URB1: variants seen among roughly 807,000 people sequenced by gnomAD.
URB1 encodes nucleolar pre-ribosomal-associated protein 1.
A neutral mutation model predicts 242.3 loss-of-function variants in URB1; 197 were observed. That is an observed-to-expected ratio of 0.81 (90% CI 0.72 to 0.91). The LOEUF is 0.91. URB1 is among the 40% of genes least tolerant of loss of function. URB1 has a pLI of 0.00. For missense variants in URB1, 2,721 were observed against 2,860.5 expected, an observed-to-expected ratio of 0.95 and a Z score of 1.11; for synonymous variants, 1,153 against 1,201.8, an observed-to-expected ratio of 0.96 and a Z score of 0.84.
At chr21:32,328,951 T>G (rs1289970503) in intron 30 of URB1, among the ~76,000 whole-genome samples, 1 of 152,152 alleles carries the variant, frequency 6.6e-6, no homozygotes, top group African/African-American at 2.4e-5. Context: ...AGGACAGTTA[T>G]CAAGGATTAA....
In URB1 at chr21:32,359,831, G is replaced by A; in HGVS notation, c.1834C>T (p.Leu612=). The stretch of plus-strand genomic sequence containing the variant: ...AACCACAGAAACTTGCTGGCCGGCA[G>A]CTCCAGGGCCACCTTCAGCATGTGG... The part of the protein sequence containing the change: ...QHHMLKVALE[L]PASKFLWLKA... Residue 612 remains leucine, a synonymous_variant, in exon 14 of 39, where the codon CTG becomes TTG. Transcript: ENST00000382751. 3.9e-6 allele frequency: 6 copies of A among 1,547,312 alleles called. No individual in the cohort carries two copies. The highest frequency in any genetic ancestry group is 1.7e-4 in the Middle Eastern group (1 of 5,962).
chr21:32,352,560 G>T, intron 19 of URB1, 150 bp downstream of exon 19: 1 of 839,124 alleles, frequency 1.2e-6, no homozygotes, highest in Non-Finnish European at 1.8e-6. Context: ...ATACTACTTA[G>T]CTTCCTCTCT....
At chr21:32,315,138 C>T (rs2032662241) in intron 38 of URB1, 39 bp from the exon 39 acceptor site, 3 of 1,454,154 alleles carry the variant, frequency 2.1e-6, no homozygotes, top group Non-Finnish European at 1.8e-6. Flanking sequence ...GGATGCACAC[C>T]TGCTCAGCTC....
At chr21:32,353,899 G>C in intron 18 of URB1, 34 bp downstream of exon 18, 1 of 1,547,052 alleles carries the variant, frequency 6.5e-7, no homozygotes, top group South Asian at 1.2e-5. Flanking sequence ...AGCCGGCCAG[G>C]TGCAGCCAAG....
chr21:32,361,949 T>G lies in URB1; in HGVS notation c.1582A>C (p.Lys528Gln). 6.4e-7 allele frequency: 1 copy of G among 1,551,596 alleles called. No homozygotes were observed. Among genetic ancestry groups the G allele is most frequent in the Non-Finnish European group, 8.7e-7 (1 of 1,146,884 alleles). ...CCATCGCTCCTTTTCTGCCCTTTCT[T>G]GTCATCCTGTTTGGTCTCTTGCTTT... is the stretch of plus-strand genomic sequence containing the variant. ...LKKQETKQDD[K>Q]KGQKRSDGPP... is the part of the protein sequence containing the mutation. Residue 528 changes from lysine to glutamine, a missense_variant, in exon 12 of 39, where the codon AAG (lysine) becomes CAG (glutamine). Physicochemically the swap from Lys to Gln is moderately conservative, Grantham distance 53 (BLOSUM62 1). Transcript: ENST00000382751.
rs2033100945 is a variant in URB1 at position 32,347,257 on chromosome 21, G to A, written c.3567C>T (p.Pro1189=). 1.9e-6 allele frequency: 3 copies of A among 1,550,766 alleles called. No homozygotes were observed. The highest frequency in any genetic ancestry group is 2.0e-5 in the Admixed American group (1 of 50,966). ...EYVRGLGALL[P]TLAVDELDTV... ...TGTCCAGCTCGTCCACTGCTAGCGTGGGCAGCAGAGCCCCCAGGCCTCTCA... is the reference window on the plus strand; with the variant it reads ...TGTCCAGCTCGTCCACTGCTAGCGTAGGCAGCAGAGCCCCCAGGCCTCTCA... Residue 1189 remains proline, a synonymous_variant, in exon 22 of 39, where the codon CCC becomes CCT. Coordinates refer to ENST00000382751, the MANE Select transcript of URB1 (RefSeq NM_014825.3).
chr21:32,369,631 T>G (rs1193962244), intron 8 of URB1, among the ~76,000 whole-genome samples: 1 of 151,802 alleles, frequency 6.6e-6, no homozygotes, highest in Non-Finnish European at 1.5e-5. Context: ...GGAAATAAAG[T>G]TTTTTTTATA....
intron 2 of URB1, 96 bp downstream of exon 2, chr21:32,385,449 T>C (rs989557412): frequency 8.9e-6 from 13 of 1,454,036 alleles, no homozygotes; most frequent in East Asian, 5.0e-5. Flanking sequence ...CTATAGAAAG[T>C]TGGTAATGGA....
rs1375881761 is a variant in URB1, at chr21:32,392,850, C to T, written c.61G>A (p.Ala21Thr). 1.3e-6 allele frequency: 2 copies of T among 1,533,154 alleles called. No individual in the cohort carries two copies. Among genetic ancestry groups the T allele is most frequent in the African/African-American group, 2.8e-5 (2 of 72,586 alleles). 95.0% of individuals were successfully genotyped at this position (1,533,154 alleles called of 1,614,324 possible). A position where few individuals can be genotyped will look rare whatever the true frequency, so the allele number is the denominator to read the frequency against. ...GQDGAASSAG[A>T]AKRARKEELT... ...TCTTCTTTGCGGGCGCGCTTGGCTG[C>T]ACCCGCGGAGGAAGCCGCGCCGTCC... is the stretch of plus-strand genomic sequence containing the variant. The change falls in exon 1 of 39, where the codon GCA becomes ACA. Residue 21 changes from alanine to threonine, a missense_variant. Physicochemically the swap from Ala to Thr is moderately conservative, Grantham distance 58. Coordinates refer to ENST00000382751, the MANE Select transcript of URB1 (RefSeq NM_014825.3).
At chr21:32,361,809 T>C (rs2033291109) in intron 12 of URB1, 83 bp downstream of exon 12, 1 of 1,474,212 alleles carries the variant, frequency 6.8e-7, no homozygotes, top group Non-Finnish European at 9.0e-7. Flanking sequence ...CAGGACTCTC[T>C]GGATAGGAGC....
chr21:32,367,599 C>T (rs1474798083), intron 9 of URB1, among the ~76,000 whole-genome samples: 1 of 152,206 alleles, frequency 6.6e-6, no homozygotes, highest in Non-Finnish European at 1.5e-5. Flanking sequence ...CAGTAGGTAC[C>T]TCTACTTGTA....
rs1158311544 is a variant in URB1 at position 32,341,515 on chromosome 21, T to C, written c.4267A>G (p.Asn1423Asp). 1 of 1,551,434 alleles carries C rather than the reference T, an allele frequency of 6.4e-7. No individual in the cohort carries two copies. Among genetic ancestry groups the C allele is most frequent in the Non-Finnish European group, 8.7e-7 (1 of 1,146,938 alleles). Residue 1423 changes from asparagine to aspartate, a missense_variant, in exon 25 of 39, where the codon AAT becomes GAT. Asn to Asp is a conservative substitution (Grantham distance 23). Transcript: ENST00000382751. ...LRLNALLHAL[N>D]EVDPGDWQKF... ...TGCCAGTCACCAGGATCAACTTCAT[T>C]AAGTGCATGCTATGAATAAAATAAG...
chr21:32,375,556 G>A, intron 5 of URB1, 73 bp from the exon 6 acceptor site: 1 of 855,460 alleles, frequency 1.2e-6, no homozygotes, highest in Non-Finnish European at 1.7e-6. Context: ...GAATATTACT[G>A]TTTAGGTGGT....
At position 32,357,669 on chromosome 21, in the gene URB1, CA is replaced by C; in HGVS notation, c.1870-14del. The C allele has an allele frequency of 7.0e-7, 1 of 1,436,448 alleles. No individual in the cohort carries two copies. The highest frequency in any genetic ancestry group is 2.9e-5 in the Admixed American group (1 of 34,088). 89.0% of individuals were successfully genotyped at this position (1,436,448 alleles called of 1,614,324 possible). On this transcript the variant is annotated splice_polypyrimidine_tract_variant and intron_variant, in intron 14 of 38. Coordinates refer to ENST00000382751, the MANE Select transcript of URB1 (RefSeq NM_014825.3). ...CATCTGGGCCTTCCTAGAGTTTAAA[CA>C]ATATTACGTATTTTTAGTATATATA...
chr21:32,379,307 A>G (rs2033495513), intron 4 of URB1, among the ~76,000 whole-genome samples: 1 of 152,254 alleles, frequency 6.6e-6, no homozygotes, highest in Admixed American at 6.5e-5. Context: ...GTCTCTCATC[A>G]GCTGTTCCAG....
chr21:32,320,813 C>T (rs1046471955), intron 34 of URB1, among the ~76,000 whole-genome samples, 173 bp from the exon 35 acceptor site: 5 of 152,256 alleles, frequency 3.3e-5, no homozygotes, highest in African/African-American at 1.2e-4. Flanking sequence ...CCCTTCCCTA[C>T]AAGAGACAGC....
chr21:32,317,535 G>A, intron 37 of URB1, 141 bp downstream of exon 37: 1 of 1,322,754 alleles, frequency 7.6e-7, no homozygotes, highest in Non-Finnish European at 1.0e-6. Flanking sequence ...TCCCCATCCA[G>A]GGCTCCAAGA....
At chr21:32,381,973 A>C (rs1388886572) in intron 4 of URB1, among the ~76,000 whole-genome samples, 1 of 152,210 alleles carries the variant, frequency 6.6e-6, no homozygotes, top group African/African-American at 2.4e-5. Flanking sequence ...CTTATTACAG[A>C]TTACACAATG....
rs1281677375 is a variant in URB1 at position 32,317,756 on chromosome 21, C to T, written c.5954G>A (p.Trp1985Ter). The change falls in exon 37 of 39, where the codon TGG becomes TAG. Residue 1985 changes from tryptophan to a stop codon, truncating the protein, a stop_gained. Transcript: ENST00000382751. LOFTEE classifies it high-confidence loss of function. The part of the protein sequence containing the change: ...TKDVLVLLHK[W>*]SLIERDLKLQ... ...CTTGAGGTCTCTTTCAATGAGGCTC[C>T]ACTTGTGCAAGAGGACAAGGACGTC... The T allele has an allele frequency of 6.4e-7, 1 of 1,551,886 alleles. No individual in the cohort carries two copies. Among genetic ancestry groups the T allele is most frequent in the South Asian group, 1.2e-5 (1 of 84,058 alleles).
Sources: gnomAD v4.1 joint callset for allele counts (sites outside exome capture counted in the v4.1 genomes callset) on GRCh38, gnomAD v4.1.1 for gene constraint, MANE v1.5 for transcripts, NCBI Gene and HGNC (gene_info 2026-07-23, HGNC 2026-07-21) for gene names.